The following CPSF3 variants were observed in gnomAD, a reference collection of about 807,000 sequenced individuals.
CPSF3 encodes cleavage and polyadenylation specificity factor subunit 3.
CPSF3 carries 57 observed loss-of-function variants against 84.1 expected under a neutral mutation model. The ratio of observed to expected loss-of-function variants is 0.68; its 90% CI spans 0.55 to 0.85. The LOEUF is 0.85. CPSF3 is among the 40% of genes least tolerant of loss of function. The pLI is 0.00. For missense variants in CPSF3, 522 were observed against 838.8 expected, an observed-to-expected ratio of 0.62 and a Z score of 4.66; for synonymous variants, 275 against 278.1, an observed-to-expected ratio of 0.99 and a Z score of 0.11.
At chr2:9,465,963 TCATC>T (rs542314275) in intron 15 of CPSF3, among the ~76,000 whole-genome samples, 346 of 152,324 alleles carry the variant, frequency 2.3e-3, no homozygotes, top group Non-Finnish European at 2.5e-3. Context: ...ACCATACAAT[TCATC>T]CATATAAAGT....
intron 7 of CPSF3, among the ~76,000 whole-genome samples, chr2:9,437,310 A>G (rs1680818099): frequency 6.6e-6 from 1 of 151,988 alleles, no homozygotes; most frequent in African/African-American, 2.4e-5. Context: ...AGGCTGGGGC[A>G]TGAGAATTGC....
chr2:9,435,962 A>G (rs1680763202), intron 6 of CPSF3, among the ~76,000 whole-genome samples: 1 of 152,014 alleles, frequency 6.6e-6, no homozygotes, highest in Admixed American at 6.6e-5. Context: ...CAAACTGCTG[A>G]CCTCAGGTGA....
intron 7 of CPSF3, 31 bp from the exon 8 acceptor site, chr2:9,440,460 G>A (rs1680931583): frequency 6.3e-7 from 1 of 1,585,634 alleles, no homozygotes; most frequent in Non-Finnish European, 8.6e-7. Flanking sequence ...ATCTAACAAA[G>A]TGATGTTTGT....
intron 4 of CPSF3, 126 bp from the exon 5 acceptor site, chr2:9,432,385 A>G: frequency 3.3e-6 from 2 of 604,268 alleles, no homozygotes; most frequent in Non-Finnish European, 5.0e-6. Context: ...TTTTAAATAC[A>G]TGATTCATAC....
intron 1 of CPSF3, among the ~76,000 whole-genome samples, chr2:9,426,479 G>C (rs1237893319): frequency 6.6e-6 from 1 of 152,194 alleles, no homozygotes; most frequent in Admixed American, 6.5e-5. Context: ...CTAGTGTCAC[G>C]TGTATGTATT....
intron 1 of CPSF3, 67 bp downstream of exon 1, chr2:9,423,890 T>A: frequency 6.3e-7 from 1 of 1,583,946 alleles, no homozygotes; most frequent in East Asian, 2.3e-5. Context: ...AACCGGAGAC[T>A]GGCCTCCTCC....
At position 9,459,637 on chromosome 2, in the gene CPSF3, C is replaced by CTT. The variant is rs1681659225; in HGVS notation, c.1786+19_1786+20insTT. On this transcript the variant is annotated intron_variant, in intron 15 of 17. Transcript: ENST00000238112. Reference sequence around the variant, plus strand: ...AGAAAAGGTAAGAGTTCATTTTTATCCTTTTTTTTTTTTTTTTTTTTTTTT... The same window carrying CTT: ...AGAAAAGGTAAGAGTTCATTTTTATCTTCTTTTTTTTTTTTTTTTTTTTTTTT... The CTT allele has an allele frequency of 4.3e-6, 2 of 464,314 alleles. No homozygotes were observed. The highest frequency in any genetic ancestry group is 3.4e-6 in the Non-Finnish European group (1 of 297,118). The allele number at this position is 464,314 out of a possible 1,614,324, so 28.8% of individuals were successfully genotyped here.
chr2:9,430,600 T>C (rs1400036206), intron 3 of CPSF3, 152 bp from the exon 4 acceptor site: 4 of 619,112 alleles, frequency 6.5e-6, no homozygotes, highest in Admixed American at 6.2e-5. Context: ...CATTACTTCT[T>C]CCTTCTACAC....
At position 9,452,908 on chromosome 2, in the gene CPSF3, T is replaced by C; in HGVS notation, c.1396-5T>C. On this transcript the variant is annotated splice_polypyrimidine_tract_variant and splice_region_variant and intron_variant, in intron 11 of 17. Transcript: ENST00000238112. ...CTATTTTCTTCAAGTATTTTTTTTT[T>C]ACAGGTTATGGGATTTTTAGCAGAC... 6.4e-7 allele frequency: 1 copy of C among 1,572,450 alleles called. No individual in the cohort carries two copies. Among genetic ancestry groups the C allele is most frequent in the Non-Finnish European group, 8.6e-7 (1 of 1,162,888 alleles).
At chr2:9,471,494 A>G (rs1682162999) in intron 17 of CPSF3, 55 bp downstream of exon 17, 6 of 1,060,736 alleles carry the variant, frequency 5.7e-6, no homozygotes, top group East Asian at 4.7e-5. Context: ...AAGTGAAGGC[A>G]TAAATAATCT....
chr2:9,469,418 C>T (rs1558468128), intron 16 of CPSF3, among the ~76,000 whole-genome samples: 2 of 152,274 alleles, frequency 1.3e-5, no homozygotes, highest in South Asian at 2.1e-4. Flanking sequence ...GTTCTGTTGG[C>T]GGCCCTGTTC....
chr2:9,427,027 G>T (rs1277699138), intron 1 of CPSF3, among the ~76,000 whole-genome samples: 1 of 152,206 alleles, frequency 6.6e-6, no homozygotes, highest in African/African-American at 2.4e-5. Flanking sequence ...TCTGGGGAAA[G>T]AATAAAGTGG....
intron 17 of CPSF3, among the ~76,000 whole-genome samples, 169 bp from the exon 18 acceptor site, chr2:9,472,747 C>T (rs1308978242): frequency 4.6e-5 from 7 of 152,104 alleles, no homozygotes; most frequent in Non-Finnish European, 8.8e-5. Context: ...TCAACCTTCC[C>T]GGCTCAGTGA....
intron 17 of CPSF3, 48 bp from the exon 18 acceptor site, chr2:9,472,868 A>G: frequency 2.5e-6 from 3 of 1,201,964 alleles, no homozygotes; most frequent in Non-Finnish European, 3.7e-6. Flanking sequence ...CTTCTATATA[A>G]TCATTATAGA....
chr2:9,459,434 C>T, intron 14 of CPSF3, 97 bp from the exon 15 acceptor site: 1 of 765,846 alleles, frequency 1.3e-6, no homozygotes, highest in Non-Finnish European at 2.4e-6. Flanking sequence ...GCAGTAGTTC[C>T]ATATGTACAG....
rs2148933802 is a variant in CPSF3, at chr2:9,428,766, G to T, written c.52G>T (p.Gly18Ter). The T allele has an allele frequency of 6.2e-7, 1 of 1,600,992 alleles. No homozygotes were observed. Among genetic ancestry groups the T allele is most frequent in the Middle Eastern group, 1.7e-4 (1 of 6,028 alleles). ...TTTTCTCCCCTTGAATATTTACAGT[G>T]GAGCTGGGCAAGAAGTAGGAAGATC... ...ESDQLLIRPL[G>*]AGQEVGRSCI... The change falls in exon 2 of 18, where the codon GGA becomes TGA. Residue 18 changes from glycine (G) to a stop codon, truncating the protein, a stop_gained and splice_region_variant. Transcript: ENST00000238112. LOFTEE classifies it high-confidence loss of function.
intron 15 of CPSF3, among the ~76,000 whole-genome samples, chr2:9,460,298 G>A (rs966007249): frequency 9.9e-5 from 15 of 152,028 alleles, no homozygotes; most frequent in African/African-American, 3.4e-4. Context: ...GCATGGTGGC[G>A]GGCACCTGTA....
At chr2:9,424,957 C>T (rs1402215981) in intron 1 of CPSF3, 3 of 152,170 alleles carry the variant, frequency 2.0e-5, no homozygotes, top group Non-Finnish European at 4.4e-5. Flanking sequence ...GAGTGAACAT[C>T]GCGGTAGGTG....
intron 16 of CPSF3, chr2:9,468,124 T>G (rs1042079119): frequency 3.8e-4 from 82 of 214,326 alleles, no homozygotes; most frequent in African/African-American, 1.8e-3. Flanking sequence ...TTTTATATAT[T>G]TACTTGTTAA....
Sources: allele counts gnomAD v4.1 joint callset (sites outside exome capture counted in the v4.1 genomes callset), GRCh38; gene constraint gnomAD v4.1.1; transcripts MANE v1.5; gene names NCBI Gene and HGNC (gene_info 2026-07-23, HGNC 2026-07-21).